The following ZNF385D variants were observed in gnomAD, a reference collection of about 807,000 sequenced individuals.
The protein encoded by ZNF385D is zinc finger protein 659.
Under a neutral mutation model 35.8 loss-of-function variants are expected in ZNF385D, and 15 were observed. That is an observed-to-expected ratio of 0.42 (90% CI 0.28 to 0.64). The LOEUF (loss-of-function observed/expected upper bound fraction) is 0.64, where lower values mean the gene tolerates loss of function less well. Ranked by LOEUF, ZNF385D falls within the 30% of genes least tolerant of loss-of-function variation. The pLI, the probability that ZNF385D is intolerant of heterozygous loss-of-function variation, is 0.23. For synonymous variants in ZNF385D, 212 were observed against 186.8 expected, an observed-to-expected ratio of 1.13 and a Z score of -1.10; for missense variants, 474 against 494.6, an observed-to-expected ratio of 0.96 and a Z score of 0.39.
chr3:21,755,698 G>A (rs2070308988), upstream of ZNF385D, among the ~76,000 whole-genome samples: 1 of 152,064 alleles, frequency 6.6e-6, no homozygotes, highest in Non-Finnish European at 1.5e-5. Context: ...AATGAAAGAG[G>A]ATTTTCTTTT....
intron 3 of ZNF385D, among the ~76,000 whole-genome samples, chr3:22,150,912 C>T (rs1384362095): frequency 2.6e-5 from 4 of 152,040 alleles, no homozygotes; most frequent in Admixed American, 6.6e-5. Context: ...TATGTCATAA[C>T]GGACTAGAGA....
At chr3:21,856,765 C>T (rs527284195) in intron 3 of ZNF385D, among the ~76,000 whole-genome samples, 4 of 152,112 alleles carry the variant, frequency 2.6e-5, no homozygotes, top group African/African-American at 7.2e-5. Context: ...TGAGAAGACA[C>T]GTGAGGAACA....
chr3:21,909,398 C>A (rs1699851142), intron 3 of ZNF385D, among the ~76,000 whole-genome samples: 1 of 152,110 alleles, frequency 6.6e-6, no homozygotes, highest in East Asian at 1.9e-4. Context: ...GGGTGGGAAC[C>A]AAGAGAGACC....
At chr3:21,597,058 A>G (rs577534254) in intron 2 of ZNF385D, among the ~76,000 whole-genome samples, 108 of 152,290 alleles carry the variant, frequency 7.1e-4, no homozygotes, top group African/African-American at 2.6e-3. Context: ...ATTAAATAGT[A>G]TATTTTTAGA....
At chr3:22,281,495 A>G (rs770325102) in intron 2 of ZNF385D, among the ~76,000 whole-genome samples, 3 of 152,064 alleles carry the variant, frequency 2.0e-5, no homozygotes, top group Admixed American at 6.6e-5. Flanking sequence ...TGAAATAATC[A>G]TGTGATTTTT....
intron 3 of ZNF385D, among the ~76,000 whole-genome samples, chr3:21,778,638 ATATCTT>A (rs2071382544): frequency 6.6e-6 from 1 of 151,918 alleles, no homozygotes; most frequent in Admixed American, 6.6e-5. Context: ...ATCACATCAC[ATATCTT>A]TATATCACTT....
At chr3:22,121,138 A>T (rs574430115) in intron 3 of ZNF385D, among the ~76,000 whole-genome samples, 2 of 152,286 alleles carry the variant, frequency 1.3e-5, no homozygotes, top group Non-Finnish European at 1.5e-5. Flanking sequence ...TATCAACTTC[A>T]TCAGTAAAGC....
chr3:21,828,606 C>A (rs924557053), intron 3 of ZNF385D, among the ~76,000 whole-genome samples: 1 of 152,150 alleles, frequency 6.6e-6, no homozygotes, highest in Non-Finnish European at 1.5e-5. Context: ...GTGTGTCAGG[C>A]AGGTATGGAT....
intron 4 of ZNF385D, among the ~76,000 whole-genome samples, chr3:21,480,466 T>A (rs1293622672): frequency 6.6e-6 from 1 of 151,886 alleles, no homozygotes; most frequent in African/African-American, 2.4e-5. Flanking sequence ...GGAGGATGAG[T>A]TGCTTGATTT....
chr3:21,564,573 C>T lies in ZNF385D; in HGVS notation c.276+1G>A. 2 of 1,510,854 alleles carry T rather than the reference C, an allele frequency of 1.3e-6. No individual in the cohort carries two copies. The highest frequency in any genetic ancestry group is 1.8e-6 in the Non-Finnish European group (2 of 1,123,708). 93.6% of individuals were successfully genotyped at this position (1,510,854 alleles called of 1,614,324 possible). A position where few individuals can be genotyped will look rare whatever the true frequency, so the allele number is the denominator to read the frequency against. On this transcript the variant is annotated splice_donor_variant, in intron 3 of 7. Transcript: ENST00000281523. LOFTEE classifies it high-confidence loss of function. ...AAGTGAACACTAAATGATAAACTTA[C>T]ATCAGAATTAAATCTCAACTGGCAA...
At chr3:22,325,656 G>T (rs138183989) in intron 2 of ZNF385D, among the ~76,000 whole-genome samples, 1 of 152,048 alleles carries the variant, frequency 6.6e-6, no homozygotes, top group South Asian at 2.1e-4. Flanking sequence ...CTACTCAGGA[G>T]GCTGAGGCAG....
At chr3:22,028,100 G>C (rs1697680754) in intron 3 of ZNF385D, among the ~76,000 whole-genome samples, 1 of 152,186 alleles carries the variant, frequency 6.6e-6, no homozygotes, top group African/African-American at 2.4e-5. Flanking sequence ...GGTTTGGCTG[G>C]ATGGTCAGGG....
chr3:21,851,424 A>C (rs927503511), intron 3 of ZNF385D, among the ~76,000 whole-genome samples: 2 of 152,032 alleles, frequency 1.3e-5, no homozygotes, highest in African/African-American at 2.4e-5. Context: ...GTGTTTTTAC[A>C]ATAGAAACGA....
intron 3 of ZNF385D, among the ~76,000 whole-genome samples, chr3:22,129,805 A>T (rs6797769): frequency 0.52 from 78,891 of 151,868 alleles, 20,741 homozygotes; most frequent in Non-Finnish European, 0.55. Flanking sequence ...TAGGAGTCTG[A>T]GTGGTGCTTT....
intron 1 of ZNF385D, among the ~76,000 whole-genome samples, chr3:21,688,765 T>C (rs1425618317): frequency 2.0e-5 from 3 of 152,186 alleles, no homozygotes; most frequent in Non-Finnish European, 4.4e-5. Context: ...ATTTTTAAAA[T>C]GACACAAAGA....
chr3:21,990,210 T>A (rs1695074600), intron 3 of ZNF385D, among the ~76,000 whole-genome samples: 1 of 152,198 alleles, frequency 6.6e-6, no homozygotes, highest in African/African-American at 2.4e-5. Context: ...AATTCCAGAT[T>A]TGCCAGTGCA....
chr3:21,622,446 G>C (rs2065032882), intron 2 of ZNF385D, among the ~76,000 whole-genome samples: 1 of 152,024 alleles, frequency 6.6e-6, no homozygotes, highest in Admixed American at 6.6e-5. Context: ...ATAAATTAAG[G>C]CCTACATTTT....
chr3:22,107,026 G>GTTTTTTGTTT (rs1553609234), intron 3 of ZNF385D, among the ~76,000 whole-genome samples: 40 of 118,834 alleles, frequency 3.4e-4, no homozygotes, highest in Non-Finnish European at 3.9e-4. Flanking sequence ...TGGAATGAGA[G>GTTTTTTGTTT]TTTTTTTTTT....
At chr3:22,186,931 A>G (rs1559438014) in intron 2 of ZNF385D, among the ~76,000 whole-genome samples, 1 of 152,190 alleles carries the variant, frequency 6.6e-6, no homozygotes, top group Non-Finnish European at 1.5e-5. Context: ...AATTCACTTA[A>G]TACTCAAAGC....
Sources: gnomAD v4.1 joint callset for allele counts (sites outside exome capture counted in the v4.1 genomes callset) on GRCh38, gnomAD v4.1.1 for gene constraint, MANE v1.5 for transcripts, NCBI Gene and HGNC (gene_info 2026-07-23, HGNC 2026-07-21) for gene names.